Variants in DTNA observed in about 807,000 individuals in gnomAD.
DTNA encodes the protein dystrobrevin alpha, also known as dystrophin-related protein 3.
A neutral mutation model predicts 100.7 loss-of-function variants in DTNA; 43 were observed. That is an observed-to-expected ratio of 0.43 (90% CI 0.33 to 0.55). DTNA has a LOEUF of 0.55. Among genes scored for constraint, DTNA ranks in the 20% least tolerant of loss-of-function variants. DTNA has a pLI of 0.04. For missense variants in DTNA, 798 were observed against 953.9 expected (o/e 0.84, Z 2.15); for synonymous variants, 349 against 347.9 (o/e 1.00, Z -0.04).
In DTNA at chr18:34,875,173, G is replaced by C. The variant is rs922514234; in HGVS notation, c.1744-66G>C. 5.7e-6 allele frequency: 9 copies of C among 1,588,066 alleles called. No individual in the cohort carries two copies. The African/African-American group carries it at 1.1e-4, about 19-fold the overall frequency. On this transcript the variant is annotated intron_variant, in intron 17 of 22. Coordinates refer to ENST00000444659, the MANE Select transcript of DTNA (RefSeq NM_001386795.1). ...GTCACTGTTTTCAACAATCAACTGA[G>C]GCATTGGGGATGACATATGACATTT...
intron 17 of DTNA, chr18:34,866,466 C>CT: frequency 8.1e-7 from 1 of 1,232,812 alleles, no homozygotes; most frequent in South Asian, 1.7e-5. Context: ...AGACCCTTCT[C>CT]TTAACAGAGA....
intron 1 of DTNA, among the ~76,000 whole-genome samples, chr18:34,557,737 C>T (rs1305924291): frequency 6.6e-6 from 1 of 151,204 alleles, no homozygotes; most frequent in African/African-American, 2.4e-5. Flanking sequence ...CTCAGATTTC[C>T]AGCTACGTGC....
chr18:34,550,535 C>T (rs1183763596), intron 1 of DTNA, among the ~76,000 whole-genome samples: 2 of 152,056 alleles, frequency 1.3e-5, no homozygotes, highest in Non-Finnish European at 2.9e-5. Flanking sequence ...TCCAAAATTG[C>T]CTAGTTAAAT....
intron 1 of DTNA, among the ~76,000 whole-genome samples, chr18:34,520,845 A>G (rs2042084939): frequency 6.6e-6 from 1 of 152,066 alleles, no homozygotes. Flanking sequence ...CTAGTTCAGA[A>G]CTAGAACATG....
chr18:34,631,400 A>G (rs1046665600), intron 1 of DTNA, among the ~76,000 whole-genome samples: 3 of 152,222 alleles, frequency 2.0e-5, no homozygotes, highest in African/African-American at 4.8e-5. Flanking sequence ...CAATAACTCA[A>G]TGAGGAGACA....
chr18:34,582,520 C>A (rs776952940), intron 1 of DTNA, among the ~76,000 whole-genome samples: 1 of 152,098 alleles, frequency 6.6e-6, no homozygotes, highest in Non-Finnish European at 1.5e-5. Flanking sequence ...GCAGCCCGTC[C>A]CCACAACCTC....
intron 1 of DTNA, among the ~76,000 whole-genome samples, chr18:34,631,543 A>G (rs1180725463): frequency 6.6e-6 from 1 of 152,230 alleles, no homozygotes; most frequent in Admixed American, 6.5e-5. Flanking sequence ...AGGATGTTGC[A>G]GAAAACAAAA....
In DTNA at chr18:34,864,058, T is replaced by G. The variant is rs2096663069; in HGVS notation, c.1739T>G (p.Leu580Arg). ...MVQLEGLMKL[L>R]KTQGAGSPRS... ...CAGTTGGAGGGTCTCATGAAGCTACTAAAGGTAAGACCTGCCAGATAAATT... is the reference window on the plus strand; with the variant it reads ...CAGTTGGAGGGTCTCATGAAGCTACGAAAGGTAAGACCTGCCAGATAAATT... The change falls in exon 17 of 23, where the codon CTA (leucine) becomes CGA (arginine). Residue 580 changes from leucine to arginine, a missense_variant. Transcript: ENST00000444659. 6.2e-7 allele frequency: 1 copy of G among 1,608,084 alleles called. No individual in the cohort carries two copies.
At chr18:34,690,620 C>G (rs1482750446) in intron 1 of DTNA, among the ~76,000 whole-genome samples, 2 of 152,180 alleles carry the variant, frequency 1.3e-5, no homozygotes, top group Non-Finnish European at 2.9e-5. Flanking sequence ...AACTTGTTCT[C>G]AAGTAATTCA....
chr18:34,670,070 G>C (rs2076531112), intron 1 of DTNA, among the ~76,000 whole-genome samples: 3 of 152,164 alleles, frequency 2.0e-5, no homozygotes, highest in African/African-American at 7.2e-5. Context: ...ATACCAACCA[G>C]ATGTAGATTT....
At chr18:34,671,897 T>C (rs1338529604) in intron 1 of DTNA, among the ~76,000 whole-genome samples, 1 of 152,206 alleles carries the variant, frequency 6.6e-6, no homozygotes, top group Non-Finnish European at 1.5e-5. Context: ...ATGAGCAAAA[T>C]CATGATCACA....
intron 1 of DTNA, among the ~76,000 whole-genome samples, chr18:34,697,180 A>G (rs1305124979): frequency 1.3e-5 from 2 of 152,154 alleles, no homozygotes; most frequent in East Asian, 1.9e-4. Flanking sequence ...TTACCATTGA[A>G]TCTCCACCAC....
intron 13 of DTNA, among the ~76,000 whole-genome samples, chr18:34,839,720 T>C (rs2096231949): frequency 6.6e-6 from 1 of 152,190 alleles, no homozygotes; most frequent in Non-Finnish European, 1.5e-5. Flanking sequence ...GGATTTTCCA[T>C]AGTTACAATT....
intron 3 of DTNA, among the ~76,000 whole-genome samples, chr18:34,772,436 A>G (rs542319005): frequency 2.6e-5 from 4 of 152,340 alleles, no homozygotes; most frequent in South Asian, 2.1e-4. Context: ...CTCTATCACC[A>G]TAAAAGTAAG....
At chr18:34,827,475 T>A (rs2095885444) in intron 9 of DTNA, 118 bp from the exon 10 acceptor site, 1 of 892,908 alleles carries the variant, frequency 1.1e-6, no homozygotes, top group Non-Finnish European at 1.9e-6. Context: ...TTCTTGTTGA[T>A]CCTGGGAAAG....
Position 34,551,278 on chromosome 18 carries a change from T to C in DTNA, c.-2+57764T>C, listed in dbSNP as rs77704037. ...AAGGCCTTTCTCTTCACCCTACCCA[T>C]GTGTAGGCAAAAAACAAGTCAAGTG... On this transcript the variant is annotated intron_variant, in intron 1 of 19. Transcript: ENST00000283365. Among the ~76,000 whole-genome samples, 713 of 152,164 alleles carry C rather than the reference T, an allele frequency of 4.7e-3. 3 individuals are homozygous for C. Among genetic ancestry groups the C allele is most frequent in the Non-Finnish European group, 8.4e-3 (569 of 67,994 alleles).
At chr18:34,783,597 G>C (rs2094415357) in intron 3 of DTNA, among the ~76,000 whole-genome samples, 1 of 152,214 alleles carries the variant, frequency 6.6e-6, no homozygotes, top group Non-Finnish European at 1.5e-5. Context: ...GAGCTACTCA[G>C]CTGTTGTTTG....
chr18:34,788,312 G>A (rs959162429), intron 3 of DTNA, among the ~76,000 whole-genome samples: 9 of 151,986 alleles, frequency 5.9e-5, no homozygotes, highest in Admixed American at 4.6e-4. Context: ...TAAACAAAAG[G>A]CTTATGTTAC....
intron 3 of DTNA, among the ~76,000 whole-genome samples, chr18:34,776,965 G>A (rs967726610): frequency 2.6e-5 from 4 of 152,200 alleles, no homozygotes; most frequent in South Asian, 2.1e-4. Flanking sequence ...TTCCTGTAGC[G>A]AACTCAATGG....
Sources: allele counts gnomAD v4.1 joint callset (sites outside exome capture counted in the v4.1 genomes callset), GRCh38; gene constraint gnomAD v4.1.1; transcripts MANE v1.5; gene names NCBI Gene and HGNC (gene_info 2026-07-23, HGNC 2026-07-21).